GLIS3: variants seen among roughly 807,000 people sequenced by gnomAD.
GLIS3 encodes GLIS family zinc finger 3, also known as zinc finger protein GLIS3.
Under a neutral mutation model 78.6 loss-of-function variants are expected in GLIS3, and 53 were observed. That is an observed-to-expected ratio of 0.67 (90% CI 0.54 to 0.85). The LOEUF (loss-of-function observed/expected upper bound fraction) is 0.85, where lower values mean the gene tolerates loss of function less well. Among genes scored for constraint, GLIS3 ranks in the 40% least tolerant of loss-of-function variants. The probability of loss-of-function intolerance (pLI) is 0.00; values close to 1 mark genes in which losing one functional copy is unlikely to be tolerated. For missense variants in GLIS3, 1,703 were observed against 1,231.1 expected (o/e 1.38, Z -5.74); for synonymous variants, 684 against 509.9 (o/e 1.34, Z -4.60).
chr9:4,231,661 A>G (rs1480089171), intron 2 of GLIS3, among the ~76,000 whole-genome samples: 1 of 152,228 alleles, frequency 6.6e-6, no homozygotes. Context: ...GTCAAGGCCA[A>G]CAATGTAAAA....
At chr9:4,390,377 T>C in the GLIS3 span, among the ~76,000 whole-genome samples, 11 of 152,194 alleles carry the variant, frequency 7.2e-5, no homozygotes, top group African/African-American at 2.4e-4. Context: ...AAGTCTTTTT[T>C]TTTTTTTAAA....
the GLIS3 span, among the ~76,000 whole-genome samples, chr9:4,490,220 G>A: frequency 6.6e-6 from 1 of 152,248 alleles, no homozygotes; most frequent in South Asian, 2.1e-4. Flanking sequence ...TAGCATGAGT[G>A]AGGCGTGGAA....
At chr9:3,957,767 T>A (rs969599975) in intron 4 of GLIS3, among the ~76,000 whole-genome samples, 2 of 152,188 alleles carry the variant, frequency 1.3e-5, no homozygotes, top group African/African-American at 4.8e-5. Context: ...AAGGGCTCTT[T>A]CATGTTTTTC....
intron 7 of GLIS3, among the ~76,000 whole-genome samples, chr9:3,882,379 T>C (rs1821789612): frequency 6.6e-6 from 1 of 152,166 alleles, no homozygotes; most frequent in Non-Finnish European, 1.5e-5. Context: ...CTAAATGTTC[T>C]CACAGATACC....
chr9:3,953,791 C>T (rs987032758), intron 4 of GLIS3, among the ~76,000 whole-genome samples: 3 of 48,002 alleles, frequency 6.2e-5, no homozygotes, highest in African/African-American at 2.2e-4. Flanking sequence ...CTCTCTCTCT[C>T]TCTCTATATA....
At chr9:3,914,557 T>G (rs1338513829) in intron 6 of GLIS3, among the ~76,000 whole-genome samples, 1 of 152,202 alleles carries the variant, frequency 6.6e-6, no homozygotes, top group Non-Finnish European at 1.5e-5. Context: ...TCTTGGGATA[T>G]GTAAATGAGC....
At chr9:4,361,579 G>C in the GLIS3 span, among the ~76,000 whole-genome samples, 1 of 152,118 alleles carries the variant, frequency 6.6e-6, no homozygotes, top group Admixed American at 6.5e-5. Flanking sequence ...TCTGTTACTC[G>C]CCTGAGATGC....
chr9:4,352,030 CTCTT>C (rs1308967751), upstream of GLIS3, among the ~76,000 whole-genome samples: 11 of 152,186 alleles, frequency 7.2e-5, no homozygotes, highest in African/African-American at 2.4e-4. Flanking sequence ...TTTCTAAAAT[CTCTT>C]TCTTTTCATG....
intron 9 of GLIS3, among the ~76,000 whole-genome samples, chr9:3,837,838 A>G (rs2130032023): frequency 6.6e-6 from 1 of 152,338 alleles, no homozygotes; most frequent in Non-Finnish European, 1.5e-5. Flanking sequence ...GATAGATGCC[A>G]TTATACATTC....
chr9:4,361,832 C>T, the GLIS3 span, among the ~76,000 whole-genome samples: 4 of 152,202 alleles, frequency 2.6e-5, no homozygotes, highest in African/African-American at 9.7e-5. Context: ...AGAAAATCTA[C>T]AGCCTAATTT....
At chr9:3,828,685 G>A (rs1371949967) in intron 10 of GLIS3, among the ~76,000 whole-genome samples, 2 of 152,228 alleles carry the variant, frequency 1.3e-5, no homozygotes, top group Non-Finnish European at 2.9e-5. Context: ...CCTCAAAAAG[G>A]AGCTGGTGTT....
chr9:3,927,022 T>G (rs1011713071), intron 6 of GLIS3, among the ~76,000 whole-genome samples: 3 of 152,262 alleles, frequency 2.0e-5, no homozygotes, highest in Non-Finnish European at 4.4e-5. Flanking sequence ...TAGGCCACCC[T>G]CTGTTAACAT....
chr9:4,435,214 G>T, the GLIS3 span, among the ~76,000 whole-genome samples: 2 of 152,130 alleles, frequency 1.3e-5, no homozygotes, highest in Non-Finnish European at 2.9e-5. Context: ...TTCTTTGCTT[G>T]CTTTTTCCCT....
At chr9:4,406,254 G>T in the GLIS3 span, among the ~76,000 whole-genome samples, 1 of 152,164 alleles carries the variant, frequency 6.6e-6, no homozygotes, top group Admixed American at 6.5e-5. Flanking sequence ...AAAAAAAAGG[G>T]CATCCCAACT....
rs533066741 is a variant in GLIS3, at chr9:4,126,079, C to G, written c.389-138G>C. ...TTTTTTTTTTTAGTATTGGTGATAG[C>G]AAAAGGCTTTCTCCAATTCCAATGA... is the stretch of plus-strand genomic sequence containing the variant. On this transcript the variant is annotated intron_variant, in intron 2 of 10. Coordinates refer to ENST00000381971, the MANE Select transcript of GLIS3 (RefSeq NM_001042413.2). 4 of 684,968 alleles carry G rather than the reference C, an allele frequency of 5.8e-6. No individual in the cohort carries two copies. The South Asian group carries it at 6.8e-5, about 12-fold the overall frequency. 42.4% of individuals were successfully genotyped at this position (684,968 alleles called of 1,614,324 possible). A position where few individuals can be genotyped will look rare whatever the true frequency, so the allele number is the denominator to read the frequency against.
At chr9:4,259,498 A>G (rs1825309327) in intron 2 of GLIS3, among the ~76,000 whole-genome samples, 1 of 152,080 alleles carries the variant, frequency 6.6e-6, no homozygotes, top group South Asian at 2.1e-4. Context: ...GTTTAAGTTG[A>G]CTATATTCTT....
chr9:4,131,074 G>A (rs1467397021), intron 2 of GLIS3, among the ~76,000 whole-genome samples: 1 of 152,196 alleles, frequency 6.6e-6, no homozygotes, highest in Non-Finnish European at 1.5e-5. Context: ...GGGGGGGTTG[G>A]GGCTTGCATA....
chr9:3,969,041 A>C (rs938370046), intron 4 of GLIS3, among the ~76,000 whole-genome samples: 1 of 152,226 alleles, frequency 6.6e-6, no homozygotes, highest in East Asian at 1.9e-4. Context: ...TGTCAGGACC[A>C]ATGACTTGTC....
At chr9:4,483,383 G>T in the GLIS3 span, among the ~76,000 whole-genome samples, 22 of 152,110 alleles carry the variant, frequency 1.4e-4, no homozygotes, top group Admixed American at 3.9e-4. Context: ...CATGTAACTC[G>T]GCTAGTTTTT....
Sources: gnomAD v4.1 joint callset for allele counts (sites outside exome capture counted in the v4.1 genomes callset) on GRCh38, gnomAD v4.1.1 for gene constraint, MANE v1.5 for transcripts, NCBI Gene and HGNC (gene_info 2026-07-23, HGNC 2026-07-21) for gene names.